FADS6: variants seen among roughly 807,000 people sequenced by gnomAD.
FADS6 encodes fatty acid desaturase 6.
A neutral mutation model predicts 31.7 loss-of-function variants in FADS6; 28 were observed. That is an observed-to-expected ratio of 0.88 (90% CI 0.66 to 1.21). The LOEUF (loss-of-function observed/expected upper bound fraction) is 1.21. Ranked by LOEUF, FADS6 falls within the 50% of genes most tolerant of loss-of-function variation. The probability of loss-of-function intolerance (pLI) is 0.00; values close to 1 mark genes in which losing one functional copy is unlikely to be tolerated. For missense variants in FADS6, 494 were observed against 504.2 expected (o/e 0.98, Z 0.19); for synonymous variants, 191 against 213.1 (o/e 0.90, Z 0.90).
chr17:74,889,207 C>A (rs1021668919), intron 2 of FADS6, among the ~76,000 whole-genome samples: 1 of 152,140 alleles, frequency 6.6e-6, no homozygotes, highest in African/African-American at 2.4e-5. Flanking sequence ...CACCTGGGAC[C>A]GCCAATGATA....
downstream of FADS6, among the ~76,000 whole-genome samples, chr17:74,875,686 G>T (rs965782818): frequency 6.6e-6 from 1 of 152,232 alleles, no homozygotes; most frequent in African/African-American, 2.4e-5. Flanking sequence ...CTCAAATGGA[G>T]AATTAGCAGT....
At chr17:74,885,303 A>C (rs1353663491) in intron 2 of FADS6, among the ~76,000 whole-genome samples, 5 of 31,046 alleles carry the variant, frequency 1.6e-4, no homozygotes, top group African/African-American at 4.3e-4. Context: ...AGAAAACCAC[A>C]AAAAAAAAAA....
intron 1 of FADS6, among the ~76,000 whole-genome samples, chr17:74,892,921 C>G (rs1385528346): frequency 1.3e-5 from 2 of 152,210 alleles, no homozygotes; most frequent in African/African-American, 4.8e-5. Context: ...GGTCCTGGGC[C>G]CCCAGCCAAA....
chr17:74,874,852 A>C (rs35880761), downstream of FADS6, among the ~76,000 whole-genome samples: 1 of 152,146 alleles, frequency 6.6e-6, no homozygotes, highest in African/African-American at 2.4e-5. Context: ...GTCTATGGCT[A>C]TATTTGTGCT....
At position 74,881,013 on chromosome 17, in the gene FADS6, C is replaced by T; in HGVS notation, c.780+55G>A. On this transcript the variant is annotated intron_variant, in intron 4 of 5. Transcript: ENST00000612771. ...CCTAGAGTCCAGCCTGTGATCAGGG[C>T]CCCTGGAGAATGCTCCCCTTAGCTG... 3 of 1,531,444 alleles carry T rather than the reference C, an allele frequency of 2.0e-6. No homozygotes were observed. The South Asian group carries it at 3.7e-5, about 19-fold the overall frequency. The allele number at this position is 1,531,444 out of a possible 1,614,324, so 94.9% of individuals were successfully genotyped here.
chr17:74,884,971 A>T (rs1226928770), intron 2 of FADS6, among the ~76,000 whole-genome samples: 6 of 152,032 alleles, frequency 3.9e-5, no homozygotes, highest in African/African-American at 1.4e-4. Context: ...GGCCTCCCAA[A>T]ATGCTGGGAA....
intron 2 of FADS6, among the ~76,000 whole-genome samples, chr17:74,888,148 A>ACGCG (rs1430653886): frequency 3.7e-4 from 46 of 122,830 alleles, no homozygotes; most frequent in African/African-American, 1.5e-3. Context: ...ACACACACAC[A>ACGCG]CACACACGCG....
intron 2 of FADS6, among the ~76,000 whole-genome samples, chr17:74,888,157 C>G (rs1000510358): frequency 0.33 from 35,614 of 108,692 alleles, 5,472 homozygotes; most frequent in Admixed American, 0.4. Flanking sequence ...CACACACACG[C>G]GCGCGCGCGC....
In FADS6 at chr17:74,881,082, C is replaced by T. The variant is rs7219093; in HGVS notation, c.766G>A (p.Val256Ile). The change falls in exon 4 of 6, where the codon GTC becomes ATC. Residue 256 changes from valine to isoleucine, a missense_variant. Coordinates refer to ENST00000612771, the MANE Select transcript of FADS6 (RefSeq NM_178128.6). ...RSLLAHPYLH[V>I]NIFQHIGLPM... Reference sequence around the variant, plus strand: ...GGTGGCCTCACCTGGAAGATGTTGACGTGGAGGTAGGGGTGGGCCAACAGG... The same window carrying T: ...GGTGGCCTCACCTGGAAGATGTTGATGTGGAGGTAGGGGTGGGCCAACAGG... The T allele has an allele frequency of 0.041, 66,173 of 1,612,582 alleles. 1,776 individuals carry two copies. Among genetic ancestry groups the T allele is most frequent in the African/African-American group, 0.087 (6,512 of 74,980 alleles).
downstream of FADS6, among the ~76,000 whole-genome samples, chr17:74,875,672 G>T (rs930599550): frequency 6.6e-6 from 1 of 152,192 alleles, no homozygotes; most frequent in Non-Finnish European, 1.5e-5. Context: ...CTGCCACTGC[G>T]TTTCTCAAAT....
In FADS6 at chr17:74,879,092, G is replaced by A. The variant is rs374174589; in HGVS notation, c.960+312C>T. The stretch of plus-strand genomic sequence containing the variant: ...TCTTACTCTGTCACCAGGCTGGAGT[G>A]CAGTGGCACGATTATGGTTCATTGC... On this transcript the variant is annotated intron_variant, in intron 5 of 5. Transcript: ENST00000612771. 9.1e-5 allele frequency: 23 copies of A among 251,998 alleles called. No homozygotes were observed. In the East Asian group the frequency reaches 1.2e-3, roughly 13 times the overall value. 15.6% of individuals were successfully genotyped at this position (251,998 alleles called of 1,614,324 possible). A position where few individuals can be genotyped will look rare whatever the true frequency, so the allele number is the denominator to read the frequency against.
At chr17:74,892,421 G>GT in intron 2 of FADS6, 102 bp downstream of exon 2, 1 of 1,404,994 alleles carries the variant, frequency 7.1e-7, no homozygotes, top group Non-Finnish European at 9.5e-7. Context: ...GCCTGCCCCC[G>GT]TGGGCACATG....
chr17:74,888,144 A>ATG lies in FADS6; in HGVS notation c.411+4378_411+4379insCA, dbSNP rs1555625258. On this transcript the variant is annotated intron_variant, in intron 2 of 5. Transcript: ENST00000612771. ...TGAGACACCACACACACACACACAC[A>ATG]CACACACACACGCGCGCGCGCGCGC... 5.3e-5 allele frequency among the ~76,000 whole-genome samples: 6 copies of ATG among 113,824 alleles called. No homozygotes were observed. In the East Asian group the frequency reaches 1.5e-3, roughly 29 times the overall value. The allele number at this position is 113,824 out of a possible 152,430, so 74.7% of individuals were successfully genotyped here. A position where few individuals can be genotyped will look rare whatever the true frequency, so the allele number is the denominator to read the frequency against.
At chr17:74,891,204 A>C (rs1299220989) in intron 2 of FADS6, among the ~76,000 whole-genome samples, 1 of 149,046 alleles carries the variant, frequency 6.7e-6, no homozygotes, top group African/African-American at 2.5e-5. Flanking sequence ...TGCCCGGCTA[A>C]TTTTTGTACT....
In FADS6 at chr17:74,878,297, G is replaced by A. The variant is rs1187195013; in HGVS notation, c.*34C>T. 1 of 1,594,790 alleles carries A rather than the reference G, an allele frequency of 6.3e-7. No individual in the cohort carries two copies. The highest frequency in any genetic ancestry group is 1.3e-5 in the African/African-American group (1 of 74,710). On this transcript the variant is annotated 3_prime_UTR_variant, in exon 6 of 6. Coordinates refer to ENST00000612771, the MANE Select transcript of FADS6 (RefSeq NM_178128.6). ...AGCAGGAGGGCCAGGGCCAGGCCAGGGAGGGGCAGGGTGGCTGCACCGGCC... is the reference window on the plus strand; with the variant it reads ...AGCAGGAGGGCCAGGGCCAGGCCAGAGAGGGGCAGGGTGGCTGCACCGGCC...
chr17:74,890,859 T>C (rs972298783), intron 2 of FADS6, among the ~76,000 whole-genome samples: 1 of 152,172 alleles, frequency 6.6e-6, no homozygotes, highest in African/African-American at 2.4e-5. Flanking sequence ...ATGATAGCTA[T>C]GGTGTGGGTG....
Position 74,878,152 on chromosome 17 carries a change from C to T in FADS6, c.*179G>A. 2 of 1,422,058 alleles carry T rather than the reference C, an allele frequency of 1.4e-6. No homozygotes were observed. The highest frequency in any genetic ancestry group is 3.1e-5 in the South Asian group (2 of 65,502). The allele number at this position is 1,422,058 out of a possible 1,614,324, so 88.1% of individuals were successfully genotyped here. ...AGACACCCCTCAAAACCCAGAAAAG[C>T]ACGCAAGGCAGGTGGCCCCCAGACC... On this transcript the variant is annotated 3_prime_UTR_variant, in exon 6 of 6. Coordinates refer to ENST00000612771, the MANE Select transcript of FADS6 (RefSeq NM_178128.6).
intron 2 of FADS6, chr17:74,882,954 G>A: frequency 9.3e-7 from 1 of 1,079,102 alleles, no homozygotes; most frequent in Non-Finnish European, 1.3e-6. Context: ...TTTGGGGGTG[G>A]GAGGCTGGAC....
intron 2 of FADS6, among the ~76,000 whole-genome samples, chr17:74,886,832 T>C (rs2038628606): frequency 6.6e-6 from 1 of 152,082 alleles, no homozygotes; most frequent in Admixed American, 6.6e-5. Flanking sequence ...GTCCATACAT[T>C]TGTTCTGTCT....
Sources: allele counts gnomAD v4.1 joint callset (sites outside exome capture counted in the v4.1 genomes callset), GRCh38; gene constraint gnomAD v4.1.1; transcripts MANE v1.5; gene names NCBI Gene and HGNC (gene_info 2026-07-23, HGNC 2026-07-21).